VAT1L: variants seen among roughly 807,000 people sequenced by gnomAD.
VAT1L encodes vesicle amine transport 1 like.
In VAT1L, 34 loss-of-function variants were observed where a neutral mutation model predicts 44.1. The observed-to-expected ratio is 0.77, with a 90% CI of 0.59 to 1.03. VAT1L has a LOEUF of 1.03. VAT1L is among the 50% of genes least tolerant of loss of function. The probability of loss-of-function intolerance (pLI) is 0.00; values close to 1 mark genes in which losing one functional copy is unlikely to be tolerated. For synonymous variants in VAT1L, 253 were observed against 202.2 expected, an observed-to-expected ratio of 1.25 and a Z score of -2.13; for missense variants, 615 against 538.8, an observed-to-expected ratio of 1.14 and a Z score of -1.40.
At position 77,879,598 on chromosome 16, in the gene VAT1L, A is replaced by G. The variant is rs559627844; in HGVS notation, c.882+374A>G. ...ACCGCACCCAGCTGTGAGCTCTTCTATCATAAGGCATTGACTTAATCTTGT... is the reference window on the plus strand; with the variant it reads ...ACCGCACCCAGCTGTGAGCTCTTCTGTCATAAGGCATTGACTTAATCTTGT... On this transcript the variant is annotated intron_variant, in intron 6 of 8. Coordinates refer to ENST00000302536, the MANE Select transcript of VAT1L (RefSeq NM_020927.3). The surrounding 1 kb of genome is among the most constrained non-coding windows in gnomAD (Gnocchi z 4.1). 6.6e-6 allele frequency among the ~76,000 whole-genome samples: 1 copy of G among 152,240 alleles called. No individual in the cohort carries two copies. The highest frequency in any genetic ancestry group is 2.4e-5 in the African/African-American group (1 of 41,554).
intron 7 of VAT1L, among the ~76,000 whole-genome samples, chr16:77,952,565 G>C (rs769966944): frequency 6.6e-6 from 1 of 151,960 alleles, no homozygotes; most frequent in Non-Finnish European, 1.5e-5. Context: ...TTCCCATAAA[G>C]CCTGCAGAGC....
rs778672255 is a variant in VAT1L at position 77,855,801 on chromosome 16, C to T, written c.580-6947C>T. 8.5e-5 allele frequency among the ~76,000 whole-genome samples: 13 copies of T among 152,098 alleles called. No homozygotes were observed. The East Asian group carries it at 1.7e-3, about 20-fold the overall frequency. On this transcript the variant is annotated intron_variant, in intron 3 of 8. Transcript: ENST00000302536. Reference sequence around the variant, plus strand: ...TTGGGAAGCCAAGGCGGGCGGATCACGAGGTCAAGAAATTGAGACCATCCT... The same window carrying T: ...TTGGGAAGCCAAGGCGGGCGGATCATGAGGTCAAGAAATTGAGACCATCCT...
At chr16:77,844,175 C>A (rs1056063382) in intron 3 of VAT1L, among the ~76,000 whole-genome samples, 2 of 152,128 alleles carry the variant, frequency 1.3e-5, no homozygotes, top group African/African-American at 4.8e-5. Context: ...GGTTTCATAT[C>A]TGTGGATCCA....
intron 7 of VAT1L, among the ~76,000 whole-genome samples, chr16:77,942,303 G>A (rs2017895729): frequency 6.6e-6 from 1 of 152,102 alleles, no homozygotes; most frequent in Admixed American, 6.5e-5. Context: ...CACGTGAACA[G>A]CACATGAAAG....
intron 7 of VAT1L, among the ~76,000 whole-genome samples, chr16:77,899,666 GA>G (rs888494056): frequency 2.2e-4 from 34 of 152,320 alleles, no homozygotes; most frequent in African/African-American, 8.2e-4. Context: ...TTGCTCAACA[GA>G]CACCAACTGA....
At chr16:77,801,003 A>G (rs534883365) in intron 1 of VAT1L, 2 of 152,098 alleles carry the variant, frequency 1.3e-5, no homozygotes, top group South Asian at 4.2e-4. Flanking sequence ...TAATTTTTGT[A>G]TTTTTAGTAG....
chr16:77,828,508 AC>A (rs1287143085), intron 3 of VAT1L, among the ~76,000 whole-genome samples: 1 of 152,150 alleles, frequency 6.6e-6, no homozygotes, highest in African/African-American at 2.4e-5. Flanking sequence ...CTATAAAAAT[AC>A]AAAATTAGCT....
chr16:77,913,916 C>G (rs2017524419), intron 7 of VAT1L, among the ~76,000 whole-genome samples: 1 of 152,184 alleles, frequency 6.6e-6, no homozygotes, highest in Admixed American at 6.5e-5. Flanking sequence ...GCAGGGCTCC[C>G]TCTTGGTAGA....
chr16:77,827,161 C>T (rs1405348392), intron 3 of VAT1L, among the ~76,000 whole-genome samples: 3 of 152,096 alleles, frequency 2.0e-5, no homozygotes, highest in Admixed American at 1.3e-4. Context: ...CTAAGCATCC[C>T]GTAGAAAAGA....
At chr16:77,888,735 C>T (rs1007184578) in intron 7 of VAT1L, among the ~76,000 whole-genome samples, 2 of 152,186 alleles carry the variant, frequency 1.3e-5, no homozygotes, top group African/African-American at 4.8e-5. Context: ...CAGACATTGT[C>T]AAATGTCTCC....
Position 77,805,899 on chromosome 16 carries a change from G to A in VAT1L, c.234-11022G>A, listed in dbSNP as rs1160458399. Among the ~76,000 whole-genome samples the A allele has an allele frequency of 7.4e-5, 4 of 54,212 alleles. No individual in the cohort carries two copies. In the Admixed American group the frequency reaches 7.8e-4, roughly 11 times the overall value. The allele number at this position is 54,212 out of a possible 152,430, so 35.6% of individuals were successfully genotyped here. ...TTTTTTTGAGATGGAGTCTTGCCCTGTGGCCCAGGCTGGAGAGCAATGGTG... is the reference window on the plus strand; with the variant it reads ...TTTTTTTGAGATGGAGTCTTGCCCTATGGCCCAGGCTGGAGAGCAATGGTG... On this transcript the variant is annotated intron_variant, in intron 1 of 8. Coordinates refer to ENST00000302536, the MANE Select transcript of VAT1L (RefSeq NM_020927.3).
intron 7 of VAT1L, among the ~76,000 whole-genome samples, chr16:77,929,825 G>A (rs528258511): frequency 7.2e-5 from 11 of 152,306 alleles, no homozygotes; most frequent in African/African-American, 2.2e-4. Flanking sequence ...AACTGGTATC[G>A]GAAGTTAGCA....
At chr16:77,795,128 T>C (rs933699274) in intron 1 of VAT1L, among the ~76,000 whole-genome samples, 1 of 152,158 alleles carries the variant, frequency 6.6e-6, no homozygotes, top group Non-Finnish European at 1.5e-5. Context: ...GAGAAGCCTT[T>C]GTCTTTTCTC....
At chr16:77,917,080 C>T (rs2017560133) in intron 7 of VAT1L, among the ~76,000 whole-genome samples, 1 of 152,148 alleles carries the variant, frequency 6.6e-6, no homozygotes, top group South Asian at 2.1e-4. Context: ...GTTAATTTGT[C>T]CCTTGGCCTA....
intron 1 of VAT1L, among the ~76,000 whole-genome samples, chr16:77,816,358 T>G (rs1056298573): frequency 1.2e-4 from 18 of 152,216 alleles, no homozygotes; most frequent in Non-Finnish European, 2.9e-5. Context: ...AATCTCCTGA[T>G]GGCTTATATT....
intron 3 of VAT1L, among the ~76,000 whole-genome samples, chr16:77,835,341 T>A (rs1381710529): frequency 3.9e-5 from 6 of 152,170 alleles, no homozygotes; most frequent in African/African-American, 1.4e-4. Flanking sequence ...GTCTGAATAG[T>A]CTTTCCAGAT....
chr16:77,845,365 G>C (rs781368924), intron 3 of VAT1L, among the ~76,000 whole-genome samples: 1 of 152,102 alleles, frequency 6.6e-6, no homozygotes, highest in Non-Finnish European at 1.5e-5. Flanking sequence ...CTCCCCCTCT[G>C]TGGGACAGTT....
intron 7 of VAT1L, among the ~76,000 whole-genome samples, chr16:77,943,641 A>G (rs2017921292): frequency 6.6e-6 from 1 of 151,934 alleles, no homozygotes; most frequent in Admixed American, 6.6e-5. Flanking sequence ...TGACCTCATG[A>G]TCCGCCTGTC....
At chr16:77,870,254 C>T (rs2017017655) in intron 4 of VAT1L, among the ~76,000 whole-genome samples, 2 of 152,164 alleles carry the variant, frequency 1.3e-5, no homozygotes. Context: ...AGGCACGGTG[C>T]TTGGCACCCT....
Sources: allele counts gnomAD v4.1 joint callset (sites outside exome capture counted in the v4.1 genomes callset), GRCh38; gene constraint gnomAD v4.1.1; non-coding constraint Gnocchi (gnomAD v3.1); transcripts MANE v1.5; gene names NCBI Gene and HGNC (gene_info 2026-07-23, HGNC 2026-07-21).